Variants in SLIT3 observed in about 807,000 individuals in gnomAD.
SLIT3 encodes the protein slit guidance ligand 3.
SLIT3 carries 68 observed loss-of-function variants against 184.0 expected under a neutral mutation model. That is an observed-to-expected ratio of 0.37 (90% CI 0.30 to 0.45). The LOEUF is 0.45. SLIT3 is among the 20% of genes least tolerant of loss of function. The pLI is 1.00. For missense variants in SLIT3, 1,707 were observed against 2,026.0 expected, an observed-to-expected ratio of 0.84 and a Z score of 3.02; for synonymous variants, 831 against 828.6, an observed-to-expected ratio of 1.00 and a Z score of -0.05.
At chr5:169,215,940 T>C (rs928372648) in intron 3 of SLIT3, among the ~76,000 whole-genome samples, 5 of 152,236 alleles carry the variant, frequency 3.3e-5, no homozygotes, top group African/African-American at 1.2e-4. Flanking sequence ...ATTAATTTAT[T>C]TCATGCTCAA....
At chr5:168,926,818 A>G (rs556402211) in intron 4 of SLIT3, among the ~76,000 whole-genome samples, 4 of 152,214 alleles carry the variant, frequency 2.6e-5, no homozygotes, top group Non-Finnish European at 5.9e-5. Context: ...ACAAATCACA[A>G]TCACAATGAG....
At chr5:169,254,161 C>T (rs943698849) in intron 1 of SLIT3, among the ~76,000 whole-genome samples, 19 of 152,210 alleles carry the variant, frequency 1.2e-4, no homozygotes, top group African/African-American at 3.9e-4. Context: ...TTTGTAGGAG[C>T]TTTGTCTCCT....
intron 6 of SLIT3, among the ~76,000 whole-genome samples, chr5:168,834,733 G>A (rs1335333686): frequency 1.4e-5 from 2 of 147,700 alleles, no homozygotes; most frequent in East Asian, 2.0e-4. Context: ...AAAGATGGAG[G>A]TGGAAGGTGA....
At chr5:169,038,044 C>T (rs906831396) in intron 4 of SLIT3, 4 of 151,014 alleles carry the variant, frequency 2.6e-5, no homozygotes, top group East Asian at 2.0e-4. Context: ...CAGAATTTTT[C>T]GTTTTTTTTA....
chr5:168,877,296 T>C (rs1759767357), intron 5 of SLIT3, among the ~76,000 whole-genome samples: 1 of 152,130 alleles, frequency 6.6e-6, no homozygotes, highest in Non-Finnish European at 1.5e-5. Context: ...CAGAAGGAGC[T>C]GGCTGTGTGG....
At chr5:169,010,990 T>G (rs1277931884) in intron 4 of SLIT3, among the ~76,000 whole-genome samples, 1 of 152,174 alleles carries the variant, frequency 6.6e-6, no homozygotes, top group Non-Finnish European at 1.5e-5. Flanking sequence ...CATCTGATTC[T>G]TCCCATAACC....
chr5:169,154,823 GAGA>G lies in SLIT3; in HGVS notation c.413+38653_413+38655del, dbSNP rs141380790. 1.2e-3 allele frequency among the ~76,000 whole-genome samples: 178 copies of G among 152,328 alleles called. 1 individual carries two copies. In the East Asian group the frequency reaches 0.033, roughly 28 times the overall value. The stretch of plus-strand genomic sequence containing the variant: ...CTTAGTTTGAAATATGTAGCAAACT[GAGA>G]ACAAGGATCAAAGAAAATAAGCATG... On this transcript the variant is annotated intron_variant, in intron 4 of 35. Transcript: ENST00000519560.
rs1345445335 is a variant in SLIT3, at chr5:169,193,490, C to T, written c.402G>A (p.Lys134=). 1 of 1,613,852 alleles carries T rather than the reference C, an allele frequency of 6.2e-7. No homozygotes were observed. The highest frequency in any genetic ancestry group is 8.5e-7 in the Non-Finnish European group (1 of 1,179,878). Reference sequence around the variant, plus strand: ...GCAACTCTACTCACAGTCTGGTGAGCTTCGGCGTGCTCTGGAAAAGCAATT... The same window carrying T: ...GCAACTCTACTCACAGTCTGGTGAGTTTCGGCGTGCTCTGGAAAAGCAATT... ...LPELLFQSTP[K]LTRLDLSENQ... The change falls in exon 4 of 36, where the codon AAG becomes AAA. Residue 134 remains lysine (K), a synonymous_variant. Coordinates refer to ENST00000519560, the MANE Select transcript of SLIT3 (RefSeq NM_003062.4).
At chr5:168,993,232 G>C (rs1755392936) in intron 4 of SLIT3, among the ~76,000 whole-genome samples, 2 of 152,240 alleles carry the variant, frequency 1.3e-5, no homozygotes, top group Non-Finnish European at 2.9e-5. Context: ...GCCAAGCGCA[G>C]AATAGCCAGG....
At chr5:168,764,027 G>T (rs950716134) in intron 14 of SLIT3, among the ~76,000 whole-genome samples, 3 of 152,208 alleles carry the variant, frequency 2.0e-5, no homozygotes, top group South Asian at 2.1e-4. Flanking sequence ...GCTCGTTCAG[G>T]CCTTGGCAAC....
intron 4 of SLIT3, among the ~76,000 whole-genome samples, chr5:169,066,338 A>T (rs1459410468): frequency 6.6e-6 from 1 of 152,224 alleles, no homozygotes; most frequent in African/African-American, 2.4e-5. Context: ...CCTTCAAAAG[A>T]TAATCACACC....
In SLIT3 at chr5:168,665,716, C is replaced by A. The variant is rs369006729; in HGVS notation, c.*738G>T. On this transcript the variant is annotated 3_prime_UTR_variant, in exon 36 of 36. Transcript: ENST00000519560. The stretch of plus-strand genomic sequence containing the variant: ...AGGGGTCCCCCAGTGGGTTCAGATA[C>A]GGAAGCCAGGGCCACCCAGGAAGGA... 1 of 149,554 alleles carries A rather than the reference C, an allele frequency of 6.7e-6. No individual in the cohort carries two copies. Among genetic ancestry groups the A allele is most frequent in the African/African-American group, 2.6e-5 (1 of 39,078 alleles). The allele number at this position is 149,554 out of a possible 1,614,324, so 9.3% of individuals were successfully genotyped here.
At chr5:169,220,443 C>G (rs1343067509) in intron 3 of SLIT3, among the ~76,000 whole-genome samples, 2 of 151,876 alleles carry the variant, frequency 1.3e-5, no homozygotes, top group Non-Finnish European at 2.9e-5. Context: ...GGCTAGGGGA[C>G]CTCCTGAGTT....
intron 4 of SLIT3, among the ~76,000 whole-genome samples, chr5:169,193,131 G>C (rs1477461908): frequency 6.6e-6 from 1 of 152,162 alleles, no homozygotes; most frequent in African/African-American, 2.4e-5. Context: ...TGACAGTCTC[G>C]TGTGAATAAA....
chr5:168,745,087 G>A (rs528885281), intron 20 of SLIT3, among the ~76,000 whole-genome samples: 1 of 152,330 alleles, frequency 6.6e-6, no homozygotes, highest in African/African-American at 2.4e-5. Context: ...ATTAATAGGA[G>A]TTTGGAAGAA....
At chr5:168,761,921 A>ATT (rs10654069) in intron 15 of SLIT3, among the ~76,000 whole-genome samples, 7,821 of 110,372 alleles carry the variant, frequency 0.071, 418 homozygotes, top group Non-Finnish European at 0.1. Flanking sequence ...AAAAAAAAAA[A>ATT]TTTTTTTTTT....
intron 4 of SLIT3, among the ~76,000 whole-genome samples, chr5:169,031,699 G>A (rs2113523671): frequency 6.6e-6 from 1 of 152,358 alleles, no homozygotes; most frequent in Non-Finnish European, 1.5e-5. Flanking sequence ...GACGGGGTCA[G>A]GAGGAGCAGG....
chr5:168,849,500 G>T (rs1758597940), intron 5 of SLIT3, among the ~76,000 whole-genome samples: 2 of 152,114 alleles, frequency 1.3e-5, no homozygotes, highest in South Asian at 4.1e-4. Context: ...ATTCACAAGG[G>T]AAGCCTTACT....
chr5:169,090,225 A>C (rs140335598), intron 4 of SLIT3, among the ~76,000 whole-genome samples: 94 of 152,326 alleles, frequency 6.2e-4, no homozygotes, highest in African/African-American at 2.0e-3. Context: ...AAACCAAAGA[A>C]GAGGGTGAAG....
Sources: allele counts gnomAD v4.1 joint callset (sites outside exome capture counted in the v4.1 genomes callset), GRCh38; gene constraint gnomAD v4.1.1; transcripts MANE v1.5; gene names NCBI Gene and HGNC (gene_info 2026-07-23, HGNC 2026-07-21).